The following NEDD8 variants were observed in gnomAD, a reference collection of about 807,000 sequenced individuals.
NEDD8 encodes the protein NEDD8 ubiquitin like modifier.
NEDD8 carries 1 observed loss-of-function variant against 13.8 expected under a neutral mutation model. That is an observed-to-expected ratio of 0.07 (90% CI 0.03 to 0.34). NEDD8 has a LOEUF of 0.34. NEDD8 is among the 10% of genes least tolerant of loss of function. The probability of loss-of-function intolerance (pLI) is 0.99; values close to 1 mark genes in which losing one functional copy is unlikely to be tolerated. For missense variants in NEDD8, 10 were observed against 95.2 expected (o/e 0.10, Z 3.73); for synonymous variants, 31 against 33.2 (o/e 0.93, Z 0.23).
chr14:24,223,085 C>CAAAAA (rs71426836), intron 1 of NEDD8, among the ~76,000 whole-genome samples: 4 of 75,604 alleles, frequency 5.3e-5, no homozygotes, highest in Non-Finnish European at 9.9e-5. Context: ...GACTGCATTT[C>CAAAAA]AAAAAAAAAA....
intron 1 of NEDD8, among the ~76,000 whole-genome samples, chr14:24,222,616 A>G (rs13379155): frequency 0.016 from 2,485 of 152,332 alleles, 70 homozygotes; most frequent in African/African-American, 0.056. Context: ...CAAGCCATAC[A>G]TGCAATTTTT....
intron 1 of NEDD8, among the ~76,000 whole-genome samples, chr14:24,223,726 G>GAA (rs1176882280): frequency 4.3e-5 from 6 of 138,632 alleles, no homozygotes; most frequent in African/African-American, 1.4e-4. Flanking sequence ...TTCTTTTTTG[G>GAA]AAAAAAAAAA....
chr14:24,231,892 C>T (rs1202355045), intron 1 of NEDD8: 2 of 272,514 alleles, frequency 7.3e-6, no homozygotes, highest in Non-Finnish European at 1.4e-5. Flanking sequence ...TGGAGAGCAG[C>T]GCTTACTCCA....
At chr14:24,227,506 G>A (rs1054096206) in intron 1 of NEDD8, 29 of 152,020 alleles carry the variant, frequency 1.9e-4, no homozygotes, top group Admixed American at 1.6e-3. Flanking sequence ...CCAGAATGAG[G>A]GTAATGGAGA....
In NEDD8 at chr14:24,224,304, T is replaced by C. The variant is rs774285593; in HGVS notation, c.19-5873A>G. ...GTCTCGAACTCCTGACCTCAAATGA[T>C]CCACCCGCCTCGGCCTCCCAAAGTG... is the stretch of plus-strand genomic sequence containing the variant. On this transcript the variant is annotated intron_variant, in intron 1 of 3. Coordinates refer to ENST00000250495, the MANE Select transcript of NEDD8 (RefSeq NM_006156.3). 2.2e-4 allele frequency among the ~76,000 whole-genome samples: 34 copies of C among 152,264 alleles called. No homozygotes were observed. The East Asian group carries it at 6.6e-3, about 29-fold the overall frequency.
intron 1 of NEDD8, chr14:24,232,045 C>T (rs1010048501): frequency 1.4e-6 from 1 of 702,808 alleles, no homozygotes; most frequent in Non-Finnish European, 2.3e-6. Context: ...GGCAAAATAC[C>T]CCAGGGTCGT....
At chr14:24,231,872 G>T (rs2040037429) in intron 1 of NEDD8, 1 of 229,050 alleles carries the variant, frequency 4.4e-6, no homozygotes, top group Non-Finnish European at 8.6e-6. Context: ...GGTACCCTGG[G>T]AATGAAGAAT....
At chr14:24,219,058 TAAAA>T (rs2039755768) in intron 1 of NEDD8, among the ~76,000 whole-genome samples, 2 of 152,036 alleles carry the variant, frequency 1.3e-5, no homozygotes, top group Non-Finnish European at 2.9e-5. Flanking sequence ...AAAGATATCT[TAAAA>T]AAAGTCAGAA....
intron 3 of NEDD8, chr14:24,217,773 A>T (rs2039734913): frequency 5.1e-6 from 1 of 194,230 alleles, no homozygotes; most frequent in African/African-American, 2.3e-5. Context: ...ATAGCAATTA[A>T]CTATTTTCTA....
intron 1 of NEDD8, among the ~76,000 whole-genome samples, chr14:24,231,111 C>T (rs750014773): frequency 6.0e-5 from 9 of 150,620 alleles, no homozygotes; most frequent in Non-Finnish European, 7.4e-5. Context: ...GGATGGTCTC[C>T]AACTCCTGGG....
intron 1 of NEDD8, 41 bp downstream of exon 1, chr14:24,232,206 AGCC>A (rs1276379257): frequency 2.5e-6 from 4 of 1,613,634 alleles, no homozygotes; most frequent in Non-Finnish European, 3.4e-6. Flanking sequence ...CACTGCTGCC[AGCC>A]CAGTACTACT....
chr14:24,223,959 G>A (rs919281735), intron 1 of NEDD8, among the ~76,000 whole-genome samples: 2 of 151,436 alleles, frequency 1.3e-5, no homozygotes, highest in African/African-American at 4.9e-5. Flanking sequence ...ACAGAGTCTC[G>A]CTCTGTCGCC....
intron 1 of NEDD8, among the ~76,000 whole-genome samples, chr14:24,219,475 C>CAAAAA (rs59964484): frequency 3.6e-4 from 12 of 33,370 alleles, no homozygotes; most frequent in Non-Finnish European, 3.8e-4. Context: ...AACACCCTCG[C>CAAAAA]AAAAAAAAAA....
chr14:24,217,226 G>A lies in NEDD8; in HGVS notation c.150-3C>T, dbSNP rs772612705. On this transcript the variant is annotated splice_polypyrimidine_tract_variant and splice_region_variant and intron_variant, in intron 3 of 3. Coordinates refer to ENST00000250495, the MANE Select transcript of NEDD8 (RefSeq NM_006156.3). ...CAGCTGCTGTCTTCTCATCATTCCT[G>A]CAGGAAAAGGAAGCCAGAAAAAAAA... 1.2e-6 allele frequency: 2 copies of A among 1,606,410 alleles called. No homozygotes were observed. Among genetic ancestry groups the A allele is most frequent in the African/African-American group, 2.7e-5 (2 of 74,422 alleles).
intron 1 of NEDD8, among the ~76,000 whole-genome samples, chr14:24,220,989 C>T (rs147875650): frequency 6.6e-6 from 1 of 152,198 alleles, no homozygotes; most frequent in Non-Finnish European, 1.5e-5. Context: ...TGATTTAGTA[C>T]TAGTATGTTT....
chr14:24,231,195 TTC>T, intron 1 of NEDD8, among the ~76,000 whole-genome samples: 1 of 152,170 alleles, frequency 6.6e-6, no homozygotes, highest in Admixed American at 6.5e-5. Context: ...CCAGCCTATT[TTC>T]TCTTTTTAAT....
intron 1 of NEDD8, among the ~76,000 whole-genome samples, chr14:24,230,945 A>G (rs2039994158): frequency 6.6e-6 from 1 of 151,220 alleles, no homozygotes; most frequent in Non-Finnish European, 1.5e-5. Context: ...TCTGGAGTGC[A>G]GTGGTGCCAT....
chr14:24,221,722 C>T (rs2039813324), intron 1 of NEDD8, among the ~76,000 whole-genome samples: 1 of 152,028 alleles, frequency 6.6e-6, no homozygotes, highest in African/African-American at 2.4e-5. Flanking sequence ...CTCAGCCTCC[C>T]AAGTAGCTGG....
At chr14:24,220,650 A>G (rs537375065) in intron 1 of NEDD8, among the ~76,000 whole-genome samples, 6 of 152,354 alleles carry the variant, frequency 3.9e-5, no homozygotes, top group Admixed American at 3.3e-4. Flanking sequence ...GTCAGTAACT[A>G]TGATCAGCAT....
Sources: allele counts gnomAD v4.1 joint callset (sites outside exome capture counted in the v4.1 genomes callset), GRCh38; gene constraint gnomAD v4.1.1; transcripts MANE v1.5; gene names NCBI Gene and HGNC (gene_info 2026-07-23, HGNC 2026-07-21).